Variants in GRID2 observed in about 807,000 individuals in gnomAD.
The protein encoded by GRID2 is glutamate receptor ionotropic, delta-2.
In GRID2, 33 loss-of-function variants were observed where a neutral mutation model predicts 114.8. The observed-to-expected ratio is 0.29, with a 90% CI of 0.22 to 0.38. The LOEUF (loss-of-function observed/expected upper bound fraction) is 0.38. Ranked by LOEUF, GRID2 falls within the 10% of genes least tolerant of loss-of-function variation. The probability of loss-of-function intolerance (pLI) is 1.00; values close to 1 mark genes in which losing one functional copy is unlikely to be tolerated. For synonymous variants in GRID2, 505 were observed against 449.9 expected, an observed-to-expected ratio of 1.12 and a Z score of -1.55; for missense variants, 1,184 against 1,257.7, an observed-to-expected ratio of 0.94 and a Z score of 0.89.
At chr4:93,024,759 T>C (rs1178125795) in intron 2 of GRID2, among the ~76,000 whole-genome samples, 2 of 151,912 alleles carry the variant, frequency 1.3e-5, no homozygotes, top group South Asian at 2.1e-4. Context: ...TAATTCCTTC[T>C]TTCTGTTCCT....
intron 2 of GRID2, among the ~76,000 whole-genome samples, chr4:92,676,284 C>T (rs12648369): frequency 0.062 from 9,335 of 150,546 alleles, 358 homozygotes; most frequent in East Asian, 0.17. Flanking sequence ...GGTTCATGCC[C>T]TTCTCCTGCC....
At chr4:92,457,063 CTTG>C (rs1048186772) in intron 1 of GRID2, among the ~76,000 whole-genome samples, 42 of 152,204 alleles carry the variant, frequency 2.8e-4, no homozygotes, top group African/African-American at 9.9e-4. Context: ...GCATGAGCTT[CTTG>C]TTATAGTTTC....
At chr4:92,875,463 C>A (rs1050606559) in intron 2 of GRID2, among the ~76,000 whole-genome samples, 4 of 152,058 alleles carry the variant, frequency 2.6e-5, no homozygotes, top group Admixed American at 6.5e-5. Context: ...GTCGCCCGGC[C>A]AAAAGTATTT....
At chr4:92,470,504 T>A (rs1333933191) in intron 1 of GRID2, among the ~76,000 whole-genome samples, 2 of 152,016 alleles carry the variant, frequency 1.3e-5, no homozygotes, top group African/African-American at 4.8e-5. Context: ...AGAATTTTAT[T>A]TCTGTAATGT....
At chr4:92,388,099 A>G (rs903668413) in intron 1 of GRID2, among the ~76,000 whole-genome samples, 5 of 152,084 alleles carry the variant, frequency 3.3e-5, no homozygotes, top group African/African-American at 1.2e-4. Context: ...CCTGCTGCTT[A>G]AAAAGGTTGT....
At chr4:93,576,621 A>G (rs886235591) in intron 13 of GRID2, among the ~76,000 whole-genome samples, 3 of 152,200 alleles carry the variant, frequency 2.0e-5, no homozygotes, top group Non-Finnish European at 2.9e-5. Context: ...TATAGAGAAT[A>G]TTGCCCACAT....
At position 92,689,327 on chromosome 4, in the gene GRID2, T is replaced by C. The variant is rs569311526; in HGVS notation, c.244+99041T>C. Among the ~76,000 whole-genome samples, 7 of 152,328 alleles carry C rather than the reference T, an allele frequency of 4.6e-5. No homozygotes were observed. In the South Asian group the frequency reaches 8.3e-4, roughly 18 times the overall value. On this transcript the variant is annotated intron_variant, in intron 2 of 15. Transcript: ENST00000282020. ...CCTCTCTAGCTATGGAAGTCCTAGATGGCGTCTTCTTCCAATATAAGGCTG... is the reference window on the plus strand; with the variant it reads ...CCTCTCTAGCTATGGAAGTCCTAGACGGCGTCTTCTTCCAATATAAGGCTG...
rs189334863 is a variant in GRID2 at position 93,592,022 on chromosome 4, A to G, written c.2194-34247A>G. Among the ~76,000 whole-genome samples, 473 of 151,988 alleles carry G rather than the reference A, an allele frequency of 3.1e-3. 2 individuals are homozygous for G. Among genetic ancestry groups the G allele is most frequent in the African/African-American group, 0.011 (440 of 41,456 alleles). On this transcript the variant is annotated intron_variant, in intron 13 of 15. Coordinates refer to ENST00000282020, the MANE Select transcript of GRID2 (RefSeq NM_001510.4). Reference sequence around the variant, plus strand: ...CAAAAAACCAGCTCCTGGATTCATTAATTTTTTGAAGGGTATTTTGTGTCT... The same window carrying G: ...CAAAAAACCAGCTCCTGGATTCATTGATTTTTTGAAGGGTATTTTGTGTCT...
chr4:92,407,375 T>A (rs532758813), intron 1 of GRID2, among the ~76,000 whole-genome samples: 40 of 152,330 alleles, frequency 2.6e-4, no homozygotes, highest in African/African-American at 8.7e-4. Flanking sequence ...CTATTGTGAA[T>A]AGTGCTGCAG....
chr4:93,702,119 A>G (rs1727565015), intron 14 of GRID2, among the ~76,000 whole-genome samples: 1 of 152,142 alleles, frequency 6.6e-6, no homozygotes, highest in South Asian at 2.1e-4. Flanking sequence ...GTCTCCAAAT[A>G]ATAACTGAAA....
At chr4:92,754,185 T>C (rs1357518673) in intron 2 of GRID2, among the ~76,000 whole-genome samples, 1 of 152,218 alleles carries the variant, frequency 6.6e-6, no homozygotes, top group African/African-American at 2.4e-5. Flanking sequence ...TAATGTAAAC[T>C]ACAGTGCCCA....
Position 93,481,449 on chromosome 4 carries a change from A to G in GRID2, c.1859-9190A>G, listed in dbSNP as rs150033560. Among the ~76,000 whole-genome samples, 845 of 152,180 alleles carry G rather than the reference A, an allele frequency of 5.6e-3. 4 individuals are homozygous for G. Among genetic ancestry groups the G allele is most frequent in the Middle Eastern group, 0.01 (3 of 294 alleles). ...GCAGTATCTACCCTAAAACTACAGG[A>G]TAAAGAGAGTTCTTCAAAACTGCCA... On this transcript the variant is annotated intron_variant, in intron 11 of 15. Transcript: ENST00000282020.
chr4:93,363,065 C>T (rs113130665), intron 8 of GRID2, among the ~76,000 whole-genome samples: 1,868 of 152,052 alleles, frequency 0.012, 41 homozygotes, highest in African/African-American at 0.043. Context: ...ACTAAAAATA[C>T]AAAAATTATC....
chr4:92,922,844 G>C (rs1055905199), intron 2 of GRID2, among the ~76,000 whole-genome samples: 2 of 152,188 alleles, frequency 1.3e-5, no homozygotes, highest in African/African-American at 4.8e-5. Flanking sequence ...AGAAATGGCA[G>C]AACTAATCTA....
chr4:92,826,570 A>G (rs1393294211), intron 2 of GRID2, among the ~76,000 whole-genome samples: 1 of 152,130 alleles, frequency 6.6e-6, no homozygotes, highest in Admixed American at 6.6e-5. Flanking sequence ...TCCAGTATCC[A>G]TAATAGTACC....
intron 8 of GRID2, among the ~76,000 whole-genome samples, chr4:93,359,456 T>A (rs1301434561): frequency 6.6e-6 from 1 of 151,782 alleles, no homozygotes; most frequent in African/African-American, 2.4e-5. Flanking sequence ...TTAGTTATTT[T>A]AAAATATGCA....
intron 3 of GRID2, among the ~76,000 whole-genome samples, chr4:93,091,073 C>T (rs550136535): frequency 6.6e-6 from 1 of 152,166 alleles, no homozygotes; most frequent in South Asian, 2.1e-4. Context: ...CATTTATTTG[C>T]CTTTTGTTTG....
intron 11 of GRID2, among the ~76,000 whole-genome samples, chr4:93,464,840 A>G (rs1724119076): frequency 6.6e-6 from 1 of 152,122 alleles, no homozygotes. Flanking sequence ...CAAATTAACA[A>G]TCCATTTGGG....
intron 2 of GRID2, among the ~76,000 whole-genome samples, chr4:93,026,348 CCTATGCAT>C (rs1297809921): frequency 1.3e-5 from 2 of 151,768 alleles, no homozygotes; most frequent in African/African-American, 2.4e-5. Flanking sequence ...CATAGAGAAA[CCTATGCAT>C]CACCAGGGAA....
Sources: gnomAD v4.1 joint callset for allele counts (sites outside exome capture counted in the v4.1 genomes callset) on GRCh38, gnomAD v4.1.1 for gene constraint, MANE v1.5 for transcripts, NCBI Gene and HGNC (gene_info 2026-07-23, HGNC 2026-07-21) for gene names.